SPAG9: variants seen among roughly 807,000 people sequenced by gnomAD.
SPAG9 encodes the protein sperm associated antigen 9, also known as C-Jun-amino-terminal kinase-interacting protein 4.
In SPAG9, 35 loss-of-function variants were observed where a neutral mutation model predicts 166.5. The ratio of observed to expected loss-of-function variants is 0.21; its 90% CI spans 0.16 to 0.28. The LOEUF is 0.28. SPAG9 is among the 10% of genes least tolerant of loss of function. The pLI is 1.00. For missense variants in SPAG9, 1,235 were observed against 1,603.3 expected (o/e 0.77, Z 3.92); for synonymous variants, 534 against 565.5 (o/e 0.94, Z 0.79).
At position 50,984,909 on chromosome 17, in the gene SPAG9, A is replaced by T; in HGVS notation, c.3088+14T>A. On this transcript the variant is annotated intron_variant, in intron 24 of 29. Coordinates refer to ENST00000262013, the MANE Select transcript of SPAG9 (RefSeq NM_001130528.3). ...ACAAATTAGTGTCCATGTTATACACACATCACCACTCACCCACTCCTCTGT... is the reference window on the plus strand; with the variant it reads ...ACAAATTAGTGTCCATGTTATACACTCATCACCACTCACCCACTCCTCTGT... The T allele has an allele frequency of 6.2e-7, 1 of 1,609,152 alleles. No homozygotes were observed. The highest frequency in any genetic ancestry group is 8.5e-7 in the Non-Finnish European group (1 of 1,175,468).
At position 51,120,246 on chromosome 17, in the gene SPAG9, C is replaced by T; in HGVS notation, c.303+108G>A. On this transcript the variant is annotated intron_variant, in intron 1 of 29. Coordinates refer to ENST00000262013, the MANE Select transcript of SPAG9 (RefSeq NM_001130528.3). This position sits in a 1 kb window ranked among gnomAD's most constrained non-coding sequence, Gnocchi z 4.7. Reference sequence around the variant, plus strand: ...TCCCAGGGGGCATCGGCCTCAGGCCCGCCCTCCAGGAGGCCCGTCGCGCCT... The same window carrying T: ...TCCCAGGGGGCATCGGCCTCAGGCCTGCCCTCCAGGAGGCCCGTCGCGCCT... 9.9e-7 allele frequency: 1 copy of T among 1,013,956 alleles called. No homozygotes were observed. Among genetic ancestry groups the T allele is most frequent in the Non-Finnish European group, 1.4e-6 (1 of 735,140 alleles). The allele number at this position is 1,013,956 out of a possible 1,614,324, so 62.8% of individuals were successfully genotyped here.
At chr17:51,067,774 C>T (rs1038851950) in intron 2 of SPAG9, among the ~76,000 whole-genome samples, 2 of 151,660 alleles carry the variant, frequency 1.3e-5, no homozygotes, top group Admixed American at 6.6e-5. Flanking sequence ...GAAAAAAGAA[C>T]AATCAAAAGA....
chr17:51,070,325 C>G (rs11650549), intron 2 of SPAG9, among the ~76,000 whole-genome samples: 37,153 of 152,056 alleles, frequency 0.24, 5,274 homozygotes, highest in Admixed American at 0.34. Flanking sequence ...GTAAATAATG[C>G]TTCAAATTCA....
rs376465716 is a variant in SPAG9, at chr17:51,060,156, T to C, written c.425-3674A>G. On this transcript the variant is annotated intron_variant, in intron 2 of 29. Coordinates refer to ENST00000262013, the MANE Select transcript of SPAG9 (RefSeq NM_001130528.3). Reference sequence around the variant, plus strand: ...TGTGCTCCCTCACCCCCCAAATTCATAGGTTGAAGCTCTACCTCCCAATAT... The same window carrying C: ...TGTGCTCCCTCACCCCCCAAATTCACAGGTTGAAGCTCTACCTCCCAATAT... Among the ~76,000 whole-genome samples the C allele has an allele frequency of 6.6e-5, 10 of 152,056 alleles. No individual in the cohort carries two copies. The East Asian group carries it at 1.9e-3, about 30-fold the overall frequency.
chr17:51,074,653 T>C (rs902113376), intron 2 of SPAG9, among the ~76,000 whole-genome samples: 2 of 152,212 alleles, frequency 1.3e-5, no homozygotes, highest in Admixed American at 6.5e-5. Flanking sequence ...TAATACTTGA[T>C]GAAGAATTTC....
At chr17:51,106,053 C>A (rs1349591609) in intron 1 of SPAG9, among the ~76,000 whole-genome samples, 1 of 148,708 alleles carries the variant, frequency 6.7e-6, no homozygotes, top group African/African-American at 2.5e-5. Context: ...TCACTTGAGG[C>A]CAGGAGTTCA....
chr17:50,981,709 A>T (rs1974654023), intron 25 of SPAG9, among the ~76,000 whole-genome samples: 1 of 137,974 alleles, frequency 7.2e-6, no homozygotes, highest in Non-Finnish European at 1.6e-5. Context: ...GCATTTATGT[A>T]TTGTGACAAA....
chr17:51,036,910 G>T (rs1254643980), intron 5 of SPAG9, among the ~76,000 whole-genome samples: 1 of 152,066 alleles, frequency 6.6e-6, no homozygotes, highest in African/African-American at 2.4e-5. Context: ...TAATAATTAC[G>T]CTTTATAGTA....
At chr17:51,011,635 G>A (rs927836068) in intron 9 of SPAG9, among the ~76,000 whole-genome samples, 5 of 151,962 alleles carry the variant, frequency 3.3e-5, no homozygotes, top group African/African-American at 9.7e-5. Context: ...TGCCCACCTC[G>A]GTCTCCCAAA....
At chr17:51,051,538 G>A (rs1252619213) in intron 3 of SPAG9, among the ~76,000 whole-genome samples, 1 of 152,188 alleles carries the variant, frequency 6.6e-6, no homozygotes, top group African/African-American at 2.4e-5. Flanking sequence ...TGGACAACAT[G>A]GTGAAACCCA....
intron 5 of SPAG9, among the ~76,000 whole-genome samples, chr17:51,033,834 T>G (rs528027635): frequency 6.6e-6 from 1 of 152,374 alleles, no homozygotes; most frequent in Admixed American, 6.5e-5. Context: ...CAACTTCTCC[T>G]ATTCTAAAAG....
intron 6 of SPAG9, among the ~76,000 whole-genome samples, chr17:51,024,050 T>C (rs1225737674): frequency 6.6e-6 from 1 of 151,970 alleles, no homozygotes. Flanking sequence ...AATCCCGACA[T>C]TTTGGGAGGC....
chr17:51,006,437 TAAAAC>T (rs976088048), intron 10 of SPAG9, among the ~76,000 whole-genome samples, 200 bp from the exon 11 acceptor site: 1 of 152,134 alleles, frequency 6.6e-6, no homozygotes, highest in African/African-American at 2.4e-5. Context: ...ATCAAATGAA[TAAAAC>T]AAGACAGATC....
intron 6 of SPAG9, among the ~76,000 whole-genome samples, chr17:51,025,534 C>T (rs2046131871): frequency 6.6e-6 from 1 of 151,082 alleles, no homozygotes; most frequent in Non-Finnish European, 1.5e-5. Flanking sequence ...GTGAAAACAA[C>T]TACAAGTCCC....
intron 1 of SPAG9, among the ~76,000 whole-genome samples, chr17:51,103,581 A>G (rs2048862616): frequency 6.6e-6 from 1 of 152,220 alleles, no homozygotes; most frequent in African/African-American, 2.4e-5. Context: ...TGGGGCAGCC[A>G]GATCACAAGG....
At chr17:51,104,630 C>T (rs2144749864) in intron 1 of SPAG9, among the ~76,000 whole-genome samples, 1 of 151,626 alleles carries the variant, frequency 6.6e-6, no homozygotes, top group South Asian at 2.1e-4. Flanking sequence ...GAGCAAAACG[C>T]CATCTCAAAA....
chr17:50,994,448 G>C (rs1975895208), intron 18 of SPAG9, among the ~76,000 whole-genome samples: 1 of 152,084 alleles, frequency 6.6e-6, no homozygotes, highest in Non-Finnish European at 1.5e-5. Context: ...ATATTAATTA[G>C]TAGATGAAAA....
chr17:50,986,593 G>C (rs935451428), intron 22 of SPAG9, among the ~76,000 whole-genome samples: 9 of 152,136 alleles, frequency 5.9e-5, no homozygotes, highest in South Asian at 4.1e-4. Context: ...CTTTGTAAAT[G>C]CACAATTTTG....
chr17:51,075,692 C>A (rs189715763), intron 2 of SPAG9, among the ~76,000 whole-genome samples: 5 of 152,192 alleles, frequency 3.3e-5, no homozygotes, highest in African/African-American at 4.8e-5. Flanking sequence ...GGTATGGTGG[C>A]TCATGCCTGT....
Sources: allele counts gnomAD v4.1 joint callset (sites outside exome capture counted in the v4.1 genomes callset), GRCh38; gene constraint gnomAD v4.1.1; non-coding constraint Gnocchi (gnomAD v3.1); transcripts MANE v1.5; gene names NCBI Gene and HGNC (gene_info 2026-07-23, HGNC 2026-07-21).